Variants in TRIB1 observed in about 807,000 individuals in gnomAD.
The protein encoded by TRIB1 is tribbles homolog 1.
In TRIB1, 12 loss-of-function variants were observed where a neutral mutation model predicts 27.8. The observed-to-expected ratio is 0.43, with a 90% confidence interval of 0.28 to 0.70. TRIB1 has a LOEUF of 0.70. Among genes scored for constraint, TRIB1 ranks in the 30% least tolerant of loss-of-function variants. TRIB1 has a pLI of 0.18. For missense variants in TRIB1, 475 were observed against 515.8 expected (o/e 0.92, Z 0.77); for synonymous variants, 230 against 224.9 (o/e 1.02, Z -0.20).
rs1035488318 is a variant in TRIB1, at chr8:125,433,865, C to T, written c.653+256C>T. On this transcript the variant is annotated intron_variant, in intron 2 of 2. Coordinates refer to ENST00000311922, the MANE Select transcript of TRIB1 (RefSeq NM_025195.4). The surrounding 1 kb of genome is among the most constrained non-coding windows in gnomAD (Gnocchi z 4.4). ...GACAGGGTGCTCTTCCTCTCCTACCCCAGGATCAGGTTCATTCCCCATTGT... is the reference window on the plus strand; with the variant it reads ...GACAGGGTGCTCTTCCTCTCCTACCTCAGGATCAGGTTCATTCCCCATTGT... 1.3e-5 allele frequency: 6 copies of T among 479,030 alleles called. No homozygotes were observed. Among genetic ancestry groups the T allele is most frequent in the Non-Finnish European group, 2.3e-5 (6 of 265,542 alleles). The allele number at this position is 479,030 out of a possible 1,614,324, so 29.7% of individuals were successfully genotyped here. A position where few individuals can be genotyped will look rare whatever the true frequency, so the allele number is the denominator to read the frequency against.
At chr8:125,432,217 C>G (rs966630898) in intron 1 of TRIB1, 5 of 984,502 alleles carry the variant, frequency 5.1e-6, no homozygotes, top group Admixed American at 6.1e-5. Context: ...ACCTACTGCC[C>G]AACCCGAATG....
intron 2 of TRIB1, 65 bp from the exon 3 acceptor site, chr8:125,435,941 T>G: frequency 3.5e-6 from 5 of 1,417,658 alleles, no homozygotes; most frequent in Non-Finnish European, 4.8e-6. Context: ...GCGCTGTTAT[T>G]GGGAAGGCTT....
chr8:125,431,411 C>G, intron 1 of TRIB1, 149 bp downstream of exon 1: 1 of 922,316 alleles, frequency 1.1e-6, no homozygotes. Flanking sequence ...ACCAGGTTCA[C>G]GTTTTTGTGG....
chr8:125,433,300 C>T lies in TRIB1; in HGVS notation c.361-17C>T, dbSNP rs185971618. On this transcript the variant is annotated splice_polypyrimidine_tract_variant and intron_variant, in intron 1 of 2. Coordinates refer to ENST00000311922, the MANE Select transcript of TRIB1 (RefSeq NM_025195.4). This position sits in a 1 kb window ranked among gnomAD's most constrained non-coding sequence, Gnocchi z 4.4. ...TGCTTTTCTAGCCCCCTAAACGGGC[C>T]CCCCTTCTCTCTACAGGTGTTTCCC... 2.2e-5 allele frequency: 35 copies of T among 1,602,116 alleles called. No individual in the cohort carries two copies. In the East Asian group the frequency reaches 5.2e-4, roughly 24 times the overall value.
Position 125,433,176 on chromosome 8 carries a change from G to A in TRIB1, c.361-141G>A, listed in dbSNP as rs1327804846. The A allele has an allele frequency of 8.0e-6, 7 of 875,404 alleles. No individual in the cohort carries two copies. The highest frequency in any genetic ancestry group is 1.2e-5 in the Non-Finnish European group (7 of 565,612). The allele number at this position is 875,404 out of a possible 1,614,324, so 54.2% of individuals were successfully genotyped here. On this transcript the variant is annotated intron_variant, in intron 1 of 2. Coordinates refer to ENST00000311922, the MANE Select transcript of TRIB1 (RefSeq NM_025195.4). This position sits in a 1 kb window ranked among gnomAD's most constrained non-coding sequence, Gnocchi z 4.4. The stretch of plus-strand genomic sequence containing the variant: ...CAGCTGGGGCTGCGTAAGGTAAGGT[G>A]GCAGAGGAAAGGAGTAGGTGAATGG...
chr8:125,432,005 C>G (rs575447095), intron 1 of TRIB1, among the ~76,000 whole-genome samples: 1 of 152,198 alleles, frequency 6.6e-6, no homozygotes. Flanking sequence ...GGGTCCTCCT[C>G]CTGCGCGGGT....
Position 125,431,537 on chromosome 8 carries a change from T to C in TRIB1, c.360+275T>C, listed in dbSNP as rs549229681. On this transcript the variant is annotated intron_variant, in intron 1 of 2. Transcript: ENST00000311922. ...GCCCAGTGTAGCGCGTGGCGTTCCA[T>C]ATAAGTTGTGGAATTGAAATGGATT... Among the ~76,000 whole-genome samples, 6 of 152,310 alleles carry C rather than the reference T, an allele frequency of 3.9e-5. No homozygotes were observed. The South Asian group carries it at 1.2e-3, about 32-fold the overall frequency.
chr8:125,431,485 C>A (rs1348525404), intron 1 of TRIB1, among the ~76,000 whole-genome samples: 1 of 152,240 alleles, frequency 6.6e-6, no homozygotes, highest in Non-Finnish European at 1.5e-5. Flanking sequence ...TGTTCAGTGG[C>A]TTTCTCTATC....
At position 125,431,049 on chromosome 8, in the gene TRIB1, C is replaced by T. The variant is rs1002066041; in HGVS notation, c.147C>T (p.Arg49=). The part of the protein sequence containing the change: ...DAAAVAAKCP[R]LSECSSPPDY... ...CGGCTGTGGCGGCCAAGTGCCCGCGCCTCTCCGAGTGCTCCAGCCCCCCGG... is the reference window on the plus strand; with the variant it reads ...CGGCTGTGGCGGCCAAGTGCCCGCGTCTCTCCGAGTGCTCCAGCCCCCCGG... The change falls in exon 1 of 3, where the codon CGC becomes CGT. Residue 49 remains arginine, a synonymous_variant. Transcript: ENST00000311922. The T allele has an allele frequency of 1.4e-6, 2 of 1,454,232 alleles. No homozygotes were observed. Among genetic ancestry groups the T allele is most frequent in the Admixed American group, 5.2e-5 (2 of 38,156 alleles). 90.1% of individuals were successfully genotyped at this position (1,454,232 alleles called of 1,614,324 possible). A position where few individuals can be genotyped will look rare whatever the true frequency, so the allele number is the denominator to read the frequency against.
intron 2 of TRIB1, among the ~76,000 whole-genome samples, chr8:125,434,797 G>C (rs1814721330): frequency 6.6e-6 from 1 of 152,290 alleles, no homozygotes; most frequent in Non-Finnish European, 1.5e-5. Context: ...ATCAGGGGCA[G>C]ACAGTGTGGG....
At position 125,430,879 on chromosome 8, in the gene TRIB1, G is replaced by A; in HGVS notation, c.-24G>A. On this transcript the variant is annotated 5_prime_UTR_variant, in exon 1 of 3. Transcript: ENST00000311922. The stretch of plus-strand genomic sequence containing the variant: ...CGCGGATCCCGGGACTTAAAAAGCC[G>A]GGGCCACCCCGGCCCAGGACGGGAT... 7.2e-7 allele frequency: 1 copy of A among 1,388,022 alleles called. No individual in the cohort carries two copies. Among genetic ancestry groups the A allele is most frequent in the Non-Finnish European group, 9.3e-7 (1 of 1,078,066 alleles). The allele number at this position is 1,388,022 out of a possible 1,614,324, so 86.0% of individuals were successfully genotyped here. A position where few individuals can be genotyped will look rare whatever the true frequency, so the allele number is the denominator to read the frequency against.
chr8:125,431,029 G>T lies in TRIB1; in HGVS notation c.127G>T (p.Val43Leu). 1.4e-6 allele frequency: 2 copies of T among 1,460,624 alleles called. No homozygotes were observed. The highest frequency in any genetic ancestry group is 2.6e-5 in the South Asian group (2 of 75,532). The allele number at this position is 1,460,624 out of a possible 1,614,324, so 90.5% of individuals were successfully genotyped here. ...GCTGGACGCCGACGACGCGGCGGCTGTGGCGGCCAAGTGCCCGCGCCTCTC... is the reference window on the plus strand; with the variant it reads ...GCTGGACGCCGACGACGCGGCGGCTTTGGCGGCCAAGTGCCCGCGCCTCTC... ...RLLDADDAAAVAAKCPRLSEC... is the reference protein window; with the variant it reads ...RLLDADDAAALAAKCPRLSEC... The change falls in exon 1 of 3, where the codon GTG becomes TTG. Residue 43 changes from valine to leucine, a missense_variant. Transcript: ENST00000311922.
In TRIB1 at chr8:125,438,254, A is replaced by G. The variant is rs1586850792; in HGVS notation, c.*1783A>G. The G allele has an allele frequency of 6.5e-6, 1 of 152,736 alleles. No individual in the cohort carries two copies. The highest frequency in any genetic ancestry group is 6.5e-5 in the Admixed American group (1 of 15,284). The allele number at this position is 152,736 out of a possible 1,614,324, so 9.5% of individuals were successfully genotyped here. Reference sequence around the variant, plus strand: ...TGCTCGACTGTTGTATCTGTGATACATTATCCGACTAAGGACTCTGGGCTG... The same window carrying G: ...TGCTCGACTGTTGTATCTGTGATACGTTATCCGACTAAGGACTCTGGGCTG... On this transcript the variant is annotated 3_prime_UTR_variant, in exon 3 of 3. Transcript: ENST00000311922.
At position 125,430,868 on chromosome 8, in the gene TRIB1, C is replaced by A; in HGVS notation, c.-35C>A. On this transcript the variant is annotated 5_prime_UTR_variant, in exon 1 of 3. Transcript: ENST00000311922. ...GCGTCTTCCCGCGCGGATCCCGGGA[C>A]TTAAAAAGCCGGGGCCACCCCGGCC... is the stretch of plus-strand genomic sequence containing the variant. The A allele has an allele frequency of 1.4e-6, 2 of 1,379,912 alleles. No individual in the cohort carries two copies. Among genetic ancestry groups the A allele is most frequent in the Non-Finnish European group, 1.9e-6 (2 of 1,074,108 alleles). The allele number at this position is 1,379,912 out of a possible 1,614,324, so 85.5% of individuals were successfully genotyped here. A position where few individuals can be genotyped will look rare whatever the true frequency, so the allele number is the denominator to read the frequency against.
rs1814667318 is a variant in TRIB1 at position 125,432,168 on chromosome 8, T to G, written c.360+906T>G. 4.6e-6 allele frequency: 4 copies of G among 866,138 alleles called. No individual in the cohort carries two copies. In the South Asian group the frequency reaches 1.6e-4, roughly 35 times the overall value. The allele number at this position is 866,138 out of a possible 1,614,324, so 53.7% of individuals were successfully genotyped here. A position where few individuals can be genotyped will look rare whatever the true frequency, so the allele number is the denominator to read the frequency against. On this transcript the variant is annotated intron_variant, in intron 1 of 2. Coordinates refer to ENST00000311922, the MANE Select transcript of TRIB1 (RefSeq NM_025195.4). ...GGGTTTTCCGCAACTCACCTGACAC[T>G]CCCAACACCCCGACCCCGTCCCGGG...
chr8:125,432,251 C>T, intron 1 of TRIB1: 1 of 982,898 alleles, frequency 1.0e-6, no homozygotes, highest in Non-Finnish European at 1.2e-6. Flanking sequence ...ATGATCAAGC[C>T]CAGTTTAATA....
At position 125,437,980 on chromosome 8, in the gene TRIB1, T is replaced by C. The variant is rs1482085515; in HGVS notation, c.*1509T>C. The C allele has an allele frequency of 6.5e-6, 1 of 152,840 alleles. No individual in the cohort carries two copies. Among genetic ancestry groups the C allele is most frequent in the Non-Finnish European group, 1.5e-5 (1 of 68,052 alleles). 9.5% of individuals were successfully genotyped at this position (152,840 alleles called of 1,614,324 possible). On this transcript the variant is annotated 3_prime_UTR_variant, in exon 3 of 3. Transcript: ENST00000311922. The stretch of plus-strand genomic sequence containing the variant: ...AAACTACTAACATGCATTGTGAGAA[T>C]GCCGTGTATACCTCACGTACTGTGT...
At position 125,436,687 on chromosome 8, in the gene TRIB1, C is replaced by T; in HGVS notation, c.*216C>T. 1.7e-6 allele frequency: 1 copy of T among 597,230 alleles called. No homozygotes were observed. Among genetic ancestry groups the T allele is most frequent in the Non-Finnish European group, 2.9e-6 (1 of 339,626 alleles). 37.0% of individuals were successfully genotyped at this position (597,230 alleles called of 1,614,324 possible). ...TTGGCTGCCCTGCAAATTTGTTTCCCTTAAGGAACCCTCACCAACTATCTC... is the reference window on the plus strand; with the variant it reads ...TTGGCTGCCCTGCAAATTTGTTTCCTTTAAGGAACCCTCACCAACTATCTC... On this transcript the variant is annotated 3_prime_UTR_variant, in exon 3 of 3. Coordinates refer to ENST00000311922, the MANE Select transcript of TRIB1 (RefSeq NM_025195.4).
At chr8:125,434,712 G>A (rs566938653) in intron 2 of TRIB1, among the ~76,000 whole-genome samples, 14 of 152,304 alleles carry the variant, frequency 9.2e-5, no homozygotes, top group Admixed American at 3.3e-4. Context: ...TTGGCAACCC[G>A]GGGGTTAAGC....
Sources: allele counts gnomAD v4.1 joint callset (sites outside exome capture counted in the v4.1 genomes callset), GRCh38; gene constraint gnomAD v4.1.1; non-coding constraint Gnocchi (gnomAD v3.1); transcripts MANE v1.5; gene names NCBI Gene and HGNC (gene_info 2026-07-23, HGNC 2026-07-21).